DTNB: variants seen among roughly 807,000 people sequenced by gnomAD.
DTNB encodes DTN-B.
Under a neutral mutation model 90.7 loss-of-function variants are expected in DTNB, and 63 were observed. The ratio of observed to expected loss-of-function variants is 0.69; its 90% CI spans 0.57 to 0.86. The LOEUF (loss-of-function observed/expected upper bound fraction) is 0.86. Ranked by LOEUF, DTNB falls within the 40% of genes least tolerant of loss-of-function variation. DTNB has a pLI of 0.00. For synonymous variants in DTNB, 277 were observed against 286.7 expected (o/e 0.97, Z 0.34); for missense variants, 744 against 807.1 (o/e 0.92, Z 0.95).
At chr2:25,638,901 C>T (rs895666976) in intron 3 of DTNB, 113 bp downstream of exon 3, 74 of 1,105,620 alleles carry the variant, frequency 6.7e-5, no homozygotes, top group Non-Finnish European at 8.5e-5. Context: ...CTAATAAATA[C>T]TTAAGACAAA....
chr2:25,424,849 G>T lies in DTNB; in HGVS notation c.1554+2686C>A, dbSNP rs1233933011. On this transcript the variant is annotated intron_variant, in intron 15 of 20. Transcript: ENST00000406818. This position sits in a 1 kb window ranked among gnomAD's most constrained non-coding sequence, Gnocchi z 4.1. ...TGCCCGGCTAATTTTTGTGTTTTTA[G>T]TAGAGATGGGGTTTTGCCATGTCAG... Among the ~76,000 whole-genome samples the T allele has an allele frequency of 6.6e-6, 1 of 152,052 alleles. No individual in the cohort carries two copies. The highest frequency in any genetic ancestry group is 2.4e-5 in the African/African-American group (1 of 41,392).
At chr2:25,561,106 A>G (rs976213911) in intron 8 of DTNB, among the ~76,000 whole-genome samples, 3 of 152,222 alleles carry the variant, frequency 2.0e-5, no homozygotes, top group Non-Finnish European at 4.4e-5. Context: ...TAGTCTGCCT[A>G]GAAAAATACT....
At chr2:25,526,395 A>ATATATATATATATATTTTTTTTT in intron 9 of DTNB, among the ~76,000 whole-genome samples, 1 of 49,828 alleles carries the variant, frequency 2.0e-5, no homozygotes, top group African/African-American at 9.8e-5. Context: ...ATATATATAT[A>ATATATATATATATATTTTTTTTT]TTTTTTTTTT....
chr2:25,494,787 C>T (rs2068416673), intron 9 of DTNB, among the ~76,000 whole-genome samples: 1 of 152,088 alleles, frequency 6.6e-6, no homozygotes, highest in Admixed American at 6.5e-5. Flanking sequence ...TCTGGCCTGC[C>T]CTGAGTCACT....
intron 12 of DTNB, among the ~76,000 whole-genome samples, chr2:25,435,898 G>T (rs1297026236): frequency 1.3e-5 from 2 of 152,184 alleles, no homozygotes; most frequent in Non-Finnish European, 2.9e-5. Flanking sequence ...GTATCTCATT[G>T]TAAGGCAATT....
intron 4 of DTNB, among the ~76,000 whole-genome samples, chr2:25,617,880 T>C (rs2071236294): frequency 6.6e-6 from 1 of 152,036 alleles, no homozygotes; most frequent in Admixed American, 6.5e-5. Context: ...CCTGTCTCAA[T>C]AAAAAATTTA....
chr2:25,670,013 C>T (rs1191172989), intron 1 of DTNB, among the ~76,000 whole-genome samples: 1 of 152,106 alleles, frequency 6.6e-6, no homozygotes, highest in Non-Finnish European at 1.5e-5. Context: ...AAGTAAAACG[C>T]ATACCTCTGA....
intron 1 of DTNB, among the ~76,000 whole-genome samples, chr2:25,653,518 T>TCTTTC (rs1289266220): frequency 1.4e-5 from 2 of 139,468 alleles, no homozygotes; most frequent in Admixed American, 7.0e-5. Context: ...TTTCTTTCTT[T>TCTTTC]TTTTTTTTTT....
chr2:25,439,869 C>G (rs2056970794), intron 12 of DTNB, among the ~76,000 whole-genome samples: 1 of 152,150 alleles, frequency 6.6e-6, no homozygotes, highest in Non-Finnish European at 1.5e-5. Context: ...ATCTAATAAA[C>G]TTATTATACA....
chr2:25,565,387 C>T (rs1275646390), intron 8 of DTNB, among the ~76,000 whole-genome samples: 1 of 152,148 alleles, frequency 6.6e-6, no homozygotes, highest in Non-Finnish European at 1.5e-5. Flanking sequence ...CAAGTGTACA[C>T]CACCAAGCCC....
At chr2:25,528,691 G>A (rs114318023) in intron 9 of DTNB, among the ~76,000 whole-genome samples, 5 of 152,138 alleles carry the variant, frequency 3.3e-5, no homozygotes, top group South Asian at 4.1e-4. Context: ...AACAGCATAC[G>A]CTTACCAAAA....
At chr2:25,657,032 TG>T (rs1010599278) in intron 1 of DTNB, among the ~76,000 whole-genome samples, 5 of 151,932 alleles carry the variant, frequency 3.3e-5, no homozygotes, top group African/African-American at 1.2e-4. Flanking sequence ...AAAAATTAAC[TG>T]GGTGTGGTGG....
intron 9 of DTNB, among the ~76,000 whole-genome samples, chr2:25,528,971 T>G (rs2077644457): frequency 6.6e-6 from 1 of 152,242 alleles, no homozygotes; most frequent in South Asian, 2.1e-4. Context: ...CTCCCCAATT[T>G]GATCTTTAGA....
Position 25,593,775 on chromosome 2 carries a change from C to T in DTNB, c.603+2311G>A, listed in dbSNP as rs78483296. Among the ~76,000 whole-genome samples the T allele has an allele frequency of 7.3e-3, 1,110 of 152,286 alleles. 6 individuals are homozygous for T. Among genetic ancestry groups the T allele is most frequent in the Middle Eastern group, 0.027 (8 of 294 alleles). Reference sequence around the variant, plus strand: ...TGTTATTCCAACACCAGATTCTCATCGGAATACTAACGTTGCAATTAAATT... The same window carrying T: ...TGTTATTCCAACACCAGATTCTCATTGGAATACTAACGTTGCAATTAAATT... On this transcript the variant is annotated intron_variant, in intron 6 of 20. Transcript: ENST00000406818.
chr2:25,633,434 G>A lies in DTNB; in HGVS notation c.149-5050C>T, dbSNP rs577290479. ...GCCAGCCTCGGCCTCTCGAGGTGCCGGGATTGCAGACGGAGTCTGGTTCAC... is the reference window on the plus strand; with the variant it reads ...GCCAGCCTCGGCCTCTCGAGGTGCCAGGATTGCAGACGGAGTCTGGTTCAC... On this transcript the variant is annotated intron_variant, in intron 3 of 20. Transcript: ENST00000406818. 3.9e-5 allele frequency among the ~76,000 whole-genome samples: 6 copies of A among 152,236 alleles called. No individual in the cohort carries two copies. The South Asian group carries it at 1.2e-3, about 32-fold the overall frequency.
chr2:25,515,357 T>G (rs1474613598), intron 9 of DTNB, among the ~76,000 whole-genome samples: 2 of 152,144 alleles, frequency 1.3e-5, no homozygotes, highest in Non-Finnish European at 2.9e-5. Context: ...GAAGAGAACT[T>G]ACACTACCCA....
At chr2:25,383,808 A>G (rs1573632389) in intron 19 of DTNB, 28 bp downstream of exon 19, 2 of 1,614,024 alleles carry the variant, frequency 1.2e-6, no homozygotes, top group Non-Finnish European at 1.7e-6. Context: ...CCCCATTTAA[A>G]CGAGCAGTCC....
chr2:25,420,516 A>ATCTGTCTG (rs1443963425), intron 15 of DTNB, among the ~76,000 whole-genome samples: 1 of 83,926 alleles, frequency 1.2e-5, no homozygotes, highest in South Asian at 4.1e-4. Flanking sequence ...CTATCTATCT[A>ATCTGTCTG]TCTATCTGTC....
intron 9 of DTNB, among the ~76,000 whole-genome samples, chr2:25,517,196 C>A (rs943424186): frequency 6.6e-6 from 1 of 152,058 alleles, no homozygotes; most frequent in African/African-American, 2.4e-5. Context: ...AAGTCAGAAA[C>A]AAAAGACTAC....
Sources: gnomAD v4.1 joint callset for allele counts (sites outside exome capture counted in the v4.1 genomes callset) on GRCh38, gnomAD v4.1.1 for gene constraint, Gnocchi (gnomAD v3.1) non-coding constraint, MANE v1.5 for transcripts, NCBI Gene and HGNC (gene_info 2026-07-23, HGNC 2026-07-21) for gene names.